MYH10: variants seen among roughly 807,000 people sequenced by gnomAD.
The protein encoded by MYH10 is myosin-10.
A neutral mutation model predicts 257.8 loss-of-function variants in MYH10; 55 were observed. That is an observed-to-expected ratio of 0.21 (90% CI 0.17 to 0.27). MYH10 has a LOEUF of 0.27. Ranked by LOEUF, MYH10 falls within the 10% of genes least tolerant of loss-of-function variation. The pLI, the probability that MYH10 is intolerant of heterozygous loss-of-function variation, is 1.00. For missense variants in MYH10, 1,631 were observed against 2,500.6 expected, an observed-to-expected ratio of 0.65 and a Z score of 7.42; for synonymous variants, 854 against 921.7, an observed-to-expected ratio of 0.93 and a Z score of 1.33.
intron 21 of MYH10, among the ~76,000 whole-genome samples, chr17:8,517,834 C>T (rs1045853152): frequency 6.6e-6 from 1 of 152,206 alleles, no homozygotes; most frequent in Non-Finnish European, 1.5e-5. Context: ...CCATCCTGCT[C>T]CAGCCACACT....
intron 30 of MYH10, 94 bp downstream of exon 30, chr17:8,499,176 T>C (rs1917135499): frequency 5.5e-6 from 7 of 1,261,844 alleles, no homozygotes; most frequent in South Asian, 1.4e-5. Flanking sequence ...GCACAGCACA[T>C]TGGCCATGGG....
At chr17:8,532,110 C>T (rs537295915) in intron 16 of MYH10, among the ~76,000 whole-genome samples, 2 of 152,352 alleles carry the variant, frequency 1.3e-5, no homozygotes, top group African/African-American at 2.4e-5. Flanking sequence ...TAACTGTCCA[C>T]CTAAGCTGAA....
chr17:8,536,798 CA>C (rs377714925), intron 14 of MYH10, among the ~76,000 whole-genome samples: 166 of 117,766 alleles, frequency 1.4e-3, no homozygotes, highest in East Asian at 2.4e-3. Context: ...GACTCTGTCT[CA>C]AAAAAAAAAA....
At chr17:8,537,999 G>A (rs1422742011) in intron 14 of MYH10, among the ~76,000 whole-genome samples, 1 of 152,236 alleles carries the variant, frequency 6.6e-6, no homozygotes, top group Non-Finnish European at 1.5e-5. Context: ...GATTATGCGA[G>A]ATGAGCTAAG....
rs1190624402 is a variant in MYH10, at chr17:8,481,527, G to A, written c.5176-117C>T. The A allele has an allele frequency of 1.1e-5, 9 of 837,618 alleles. No homozygotes were observed. The African/African-American group carries it at 1.4e-4, about 13-fold the overall frequency. The allele number at this position is 837,618 out of a possible 1,614,324, so 51.9% of individuals were successfully genotyped here. A position where few individuals can be genotyped will look rare whatever the true frequency, so the allele number is the denominator to read the frequency against. The stretch of plus-strand genomic sequence containing the variant: ...CTGTCACTGTTTACCTGCACCTCAA[G>A]CTGTCATTTAGATTTGAGAAATTAA... On this transcript the variant is annotated intron_variant, in intron 37 of 42. Coordinates refer to ENST00000360416, the MANE Select transcript of MYH10 (RefSeq NM_001256012.3).
chr17:8,549,376 G>C (rs565337591), intron 9 of MYH10, among the ~76,000 whole-genome samples: 1 of 152,216 alleles, frequency 6.6e-6, no homozygotes, highest in African/African-American at 2.4e-5. Flanking sequence ...GCAGACTATT[G>C]TAACAGGTAC....
chr17:8,611,935 GC>G lies in MYH10; in HGVS notation c.346-6954del, dbSNP rs1465478407. On this transcript the variant is annotated intron_variant, in intron 2 of 42. Coordinates refer to ENST00000360416, the MANE Select transcript of MYH10 (RefSeq NM_001256012.3). ...CAATCTCCAAGCTGAATGCAGTAGT[GC>G]CCCTTATCTGTGGTTTCACTTTCTG... 3.3e-5 allele frequency among the ~76,000 whole-genome samples: 5 copies of G among 152,304 alleles called. No individual in the cohort carries two copies. The East Asian group carries it at 7.7e-4, about 23-fold the overall frequency.
chr17:8,545,401 G>T lies in MYH10; in HGVS notation c.1431+47C>A, dbSNP rs760525603. 6.3e-7 allele frequency: 1 copy of T among 1,599,488 alleles called. No individual in the cohort carries two copies. Among genetic ancestry groups the T allele is most frequent in the Non-Finnish European group, 8.5e-7 (1 of 1,171,032 alleles). Reference sequence around the variant, plus strand: ...CAGTAAGCCTTCATATTTGTTAAAAGAACAAACAAAAAGAAGGACGAGCTA... The same window carrying T: ...CAGTAAGCCTTCATATTTGTTAAAATAACAAACAAAAAGAAGGACGAGCTA... On this transcript the variant is annotated intron_variant, in intron 13 of 42. Coordinates refer to ENST00000360416, the MANE Select transcript of MYH10 (RefSeq NM_001256012.3). This position sits in a 1 kb window ranked among gnomAD's most constrained non-coding sequence, Gnocchi z 4.7.
At position 8,564,994 on chromosome 17, in the gene MYH10, C is replaced by T. The variant is rs546034198; in HGVS notation, c.756+4726G>A. ...CAACAGGATTCACTGTTGGCCTGGA[C>T]GTGGGCCATGAGAAAAAGGCTGATT... is the stretch of plus-strand genomic sequence containing the variant. On this transcript the variant is annotated intron_variant, in intron 7 of 42. Transcript: ENST00000360416. Among the ~76,000 whole-genome samples, 18 of 152,250 alleles carry T rather than the reference C, an allele frequency of 1.2e-4. No homozygotes were observed. The Middle Eastern group carries it at 0.01, about 86-fold the overall frequency.
At chr17:8,571,335 C>T (rs559712935) in intron 6 of MYH10, among the ~76,000 whole-genome samples, 93 of 151,504 alleles carry the variant, frequency 6.1e-4, no homozygotes, top group African/African-American at 2.1e-3. Flanking sequence ...CCACCATGCC[C>T]GGCTAATTTT....
intron 1 of MYH10, among the ~76,000 whole-genome samples, chr17:8,626,608 T>G (rs1473628685): frequency 7.2e-6 from 1 of 138,854 alleles, no homozygotes; most frequent in Non-Finnish European, 1.6e-5. Context: ...ATAATAATAA[T>G]AAGTAAAATA....
intron 25 of MYH10, 125 bp downstream of exon 25, chr17:8,509,687 C>A (rs2081194464): frequency 1.1e-6 from 1 of 902,688 alleles, no homozygotes; most frequent in Non-Finnish European, 1.6e-6. Flanking sequence ...AGAGAAAATT[C>A]AGTAAATGAA....
chr17:8,497,804 C>G (rs1004503655), intron 30 of MYH10, among the ~76,000 whole-genome samples: 1 of 142,990 alleles, frequency 7.0e-6, no homozygotes, highest in Non-Finnish European at 1.5e-5. Context: ...TGACCATGTA[C>G]AGTTCATGAC....
At chr17:8,586,570 T>C (rs1295165705) in intron 4 of MYH10, among the ~76,000 whole-genome samples, 2 of 152,176 alleles carry the variant, frequency 1.3e-5, no homozygotes, top group African/African-American at 4.8e-5. Context: ...AAAACAAACA[T>C]GGTACTTGAT....
chr17:8,565,494 T>TA (rs145277699), intron 7 of MYH10, among the ~76,000 whole-genome samples: 10 of 152,020 alleles, frequency 6.6e-5, no homozygotes, highest in Admixed American at 4.6e-4. Flanking sequence ...AAACTATTAC[T>TA]AAAAAAAATA....
chr17:8,513,691 T>C, intron 22 of MYH10, 22 bp from the exon 23 acceptor site: 14 of 1,581,300 alleles, frequency 8.9e-6, no homozygotes, highest in Non-Finnish European at 1.2e-5. Context: ...TTAAGCAGTT[T>C]TTTTTTTTTT....
At chr17:8,591,985 C>T (rs749822749) in intron 3 of MYH10, among the ~76,000 whole-genome samples, 21 of 152,152 alleles carry the variant, frequency 1.4e-4, no homozygotes, top group African/African-American at 2.4e-4. Context: ...TGCAGGACTA[C>T]GACAGTTTCC....
intron 13 of MYH10, among the ~76,000 whole-genome samples, chr17:8,543,379 C>T (rs1034472593): frequency 1.3e-5 from 2 of 152,120 alleles, no homozygotes; most frequent in Non-Finnish European, 2.9e-5. Flanking sequence ...TATTTACAGA[C>T]TGCCGGATTC....
chr17:8,488,529 C>G (rs1348320971), intron 35 of MYH10, among the ~76,000 whole-genome samples: 1 of 152,188 alleles, frequency 6.6e-6, no homozygotes, highest in African/African-American at 2.4e-5. Flanking sequence ...TTAATAAATA[C>G]CTGCACCCTA....
Sources: gnomAD v4.1 joint callset for allele counts (sites outside exome capture counted in the v4.1 genomes callset) on GRCh38, gnomAD v4.1.1 for gene constraint, Gnocchi (gnomAD v3.1) non-coding constraint, MANE v1.5 for transcripts, NCBI Gene and HGNC (gene_info 2026-07-23, HGNC 2026-07-21) for gene names.